The following F13A1 variants were observed in gnomAD, a reference collection of about 807,000 sequenced individuals.
F13A1 encodes the protein coagulation factor XIII A chain, also known as FSF, A subunit.
Under a neutral mutation model 80.1 loss-of-function variants are expected in F13A1, and 47 were observed. The ratio of observed to expected loss-of-function variants is 0.59; its 90% CI spans 0.46 to 0.75. The LOEUF is 0.75. F13A1 is among the 30% of genes least tolerant of loss of function. F13A1 has a pLI of 0.00. For synonymous variants in F13A1, 349 were observed against 344.9 expected (o/e 1.01, Z -0.13); for missense variants, 817 against 930.4 (o/e 0.88, Z 1.59).
rs753318422 is a variant in F13A1 at position 6,174,881 on chromosome 6, A to G, written c.1460-14T>C. On this transcript the variant is annotated splice_polypyrimidine_tract_variant and intron_variant, in intron 11 of 14. Transcript: ENST00000264870. Reference sequence around the variant, plus strand: ...CTTCTTCTTGACCTGGGGGAGATCCAGAGATAATGACAGGCAAAAATACAA... The same window carrying G: ...CTTCTTCTTGACCTGGGGGAGATCCGGAGATAATGACAGGCAAAAATACAA... 4 of 1,614,062 alleles carry G rather than the reference A, an allele frequency of 2.5e-6. No homozygotes were observed. In the East Asian group the frequency reaches 8.9e-5, roughly 36 times the overall value.
intron 11 of F13A1, among the ~76,000 whole-genome samples, chr6:6,178,578 A>T (rs532906496): frequency 2.1e-4 from 32 of 152,090 alleles, no homozygotes; most frequent in Non-Finnish European, 4.4e-4. Flanking sequence ...GTCCCGGTGG[A>T]GACACAGACA....
intron 12 of F13A1, chr6:6,169,409 C>G (rs1342359024): frequency 1.3e-5 from 2 of 154,100 alleles, no homozygotes; most frequent in Non-Finnish European, 2.9e-5. Context: ...GAATAAGACC[C>G]CAGACAATGC....
At position 6,195,899 on chromosome 6, in the gene F13A1, A is replaced by G; in HGVS notation, c.1217-14T>C. On this transcript the variant is annotated splice_polypyrimidine_tract_variant and intron_variant, in intron 9 of 14. Transcript: ENST00000264870. ...ACCGATACATGCCTGCATTGCACAG[A>G]GGAAGGGCGGTGTGAGTTTGTCATC... The G allele has an allele frequency of 2.5e-6, 4 of 1,613,022 alleles. No individual in the cohort carries two copies. The highest frequency in any genetic ancestry group is 3.4e-6 in the Non-Finnish European group (4 of 1,179,118).
intron 3 of F13A1, among the ~76,000 whole-genome samples, chr6:6,278,149 A>G (rs973336843): frequency 1.3e-5 from 2 of 152,242 alleles, no homozygotes; most frequent in African/African-American, 4.8e-5. Context: ...AGCACCATTT[A>G]AGTGCCAGGC....
intron 14 of F13A1, among the ~76,000 whole-genome samples, chr6:6,146,221 C>T (rs753329975): frequency 6.6e-6 from 1 of 152,218 alleles, no homozygotes; most frequent in Non-Finnish European, 1.5e-5. Context: ...CCCTGACACT[C>T]GAATTAGCTT....
In F13A1 at chr6:6,299,586, C is replaced by G. The variant is rs867345222; in HGVS notation, c.319+5765G>C. ...TTCTTCACGTAGTTCTCGAGCCTTG[C>G]TTTTCAGCTCCATCAGCTCCTTTAA... On this transcript the variant is annotated intron_variant, in intron 3 of 14. Coordinates refer to ENST00000264870, the MANE Select transcript of F13A1 (RefSeq NM_000129.4). Among the ~76,000 whole-genome samples the G allele has an allele frequency of 2.5e-4, 35 of 140,040 alleles. No individual in the cohort carries two copies. In the Middle Eastern group the frequency reaches 0.021, roughly 83 times the overall value. The allele number at this position is 140,040 out of a possible 152,430, so 91.9% of individuals were successfully genotyped here. A position where few individuals can be genotyped will look rare whatever the true frequency, so the allele number is the denominator to read the frequency against.
At chr6:6,178,303 C>T (rs936111593) in intron 11 of F13A1, among the ~76,000 whole-genome samples, 60 of 152,088 alleles carry the variant, frequency 3.9e-4, no homozygotes, top group African/African-American at 1.4e-3. Context: ...GTGTCAGGCA[C>T]TATATTAAGA....
intron 8 of F13A1, among the ~76,000 whole-genome samples, chr6:6,207,574 C>G (rs1231826108): frequency 6.6e-6 from 1 of 152,098 alleles, no homozygotes; most frequent in Non-Finnish European, 1.5e-5. Context: ...GTGAGCATGC[C>G]CAAAAGAAAA....
chr6:6,308,923 CA>C (rs1434912320), intron 2 of F13A1, among the ~76,000 whole-genome samples: 1 of 152,106 alleles, frequency 6.6e-6, no homozygotes, highest in African/African-American at 2.4e-5. Flanking sequence ...AACAATGGAT[CA>C]AAATTCAGTT....
chr6:6,193,725 T>A (rs1239431127), intron 10 of F13A1, among the ~76,000 whole-genome samples: 2 of 152,024 alleles, frequency 1.3e-5, no homozygotes, highest in Non-Finnish European at 2.9e-5. Flanking sequence ...TGGAGGGAGG[T>A]CCTCCTTCTC....
At chr6:6,229,743 C>T (rs948540626) in intron 6 of F13A1, among the ~76,000 whole-genome samples, 13 of 152,170 alleles carry the variant, frequency 8.5e-5, no homozygotes, top group African/African-American at 3.1e-4. Context: ...TTCTGCAGGA[C>T]CCGAGAGACC....
At chr6:6,145,971 G>A (rs535391618) in intron 14 of F13A1, among the ~76,000 whole-genome samples, 199 bp from the exon 15 acceptor site, 1 of 152,292 alleles carries the variant, frequency 6.6e-6, no homozygotes, top group East Asian at 1.9e-4. Context: ...ACCTGTCACT[G>A]ACAGTCTTAT....
intron 10 of F13A1, among the ~76,000 whole-genome samples, chr6:6,190,902 C>G (rs1472611472): frequency 6.6e-6 from 1 of 152,138 alleles, no homozygotes; most frequent in Non-Finnish European, 1.5e-5. Context: ...ACCCTCCGAG[C>G]CAGGTGCGGG....
chr6:6,205,883 A>G (rs1449525902), intron 8 of F13A1, among the ~76,000 whole-genome samples: 2 of 152,186 alleles, frequency 1.3e-5, no homozygotes, highest in Non-Finnish European at 2.9e-5. Flanking sequence ...CACGTTTGCC[A>G]TCATTAGTTA....
intron 7 of F13A1, among the ~76,000 whole-genome samples, chr6:6,223,250 G>C (rs1158229884): frequency 6.6e-6 from 1 of 152,204 alleles, no homozygotes; most frequent in Non-Finnish European, 1.5e-5. Flanking sequence ...GCCAAAGCCT[G>C]TTTTCAGGCA....
intron 3 of F13A1, among the ~76,000 whole-genome samples, chr6:6,288,703 A>G (rs918061651): frequency 6.6e-6 from 1 of 152,304 alleles, no homozygotes; most frequent in East Asian, 1.9e-4. Flanking sequence ...CGTTAGTTCT[A>G]TTGCTAGTTT....
intron 13 of F13A1, among the ~76,000 whole-genome samples, chr6:6,156,151 A>G (rs1409707092): frequency 6.6e-6 from 1 of 152,180 alleles, no homozygotes; most frequent in South Asian, 2.1e-4. Flanking sequence ...TTCTATTGAA[A>G]ATATCTCTCT....
At chr6:6,207,078 A>G (rs1761502460) in intron 8 of F13A1, among the ~76,000 whole-genome samples, 1 of 152,098 alleles carries the variant, frequency 6.6e-6, no homozygotes, top group Non-Finnish European at 1.5e-5. Context: ...TCTGAGGGGC[A>G]TTTATTCAAG....
At chr6:6,313,707 CTT>C in intron 2 of F13A1, among the ~76,000 whole-genome samples, 1 of 152,098 alleles carries the variant, frequency 6.6e-6, no homozygotes, top group East Asian at 1.9e-4. Context: ...AAAAATAACT[CTT>C]TCTCACATTT....
Sources: gnomAD v4.1 joint callset for allele counts (sites outside exome capture counted in the v4.1 genomes callset) on GRCh38, gnomAD v4.1.1 for gene constraint, MANE v1.5 for transcripts, NCBI Gene and HGNC (gene_info 2026-07-23, HGNC 2026-07-21) for gene names.